MEI4: variants seen among roughly 807,000 people sequenced by gnomAD.
The protein encoded by MEI4 is meiotic double-stranded break formation protein 4, also known as meiosis-specific protein MEI4.
MEI4 carries 27 observed loss-of-function variants against 31.4 expected under a neutral mutation model. That is an observed-to-expected ratio of 0.86 (90% confidence interval 0.63 to 1.19). MEI4 has a LOEUF of 1.19. Among genes scored for constraint, MEI4 ranks in the 50% most tolerant of loss-of-function variants. MEI4 has a pLI of 0.00. For synonymous variants in MEI4, 122 were observed against 145.4 expected (o/e 0.84, Z 1.16); for missense variants, 329 against 398.9 (o/e 0.82, Z 1.49).
chr6:77,837,291 G>A (rs1770243467), intron 4 of MEI4, among the ~76,000 whole-genome samples: 1 of 152,156 alleles, frequency 6.6e-6, no homozygotes. Flanking sequence ...AAGTAGTCTT[G>A]TCAACGAATC....
intron 3 of MEI4, among the ~76,000 whole-genome samples, chr6:77,805,049 T>G (rs1176454902): frequency 6.6e-6 from 1 of 152,064 alleles, no homozygotes; most frequent in African/African-American, 2.4e-5. Context: ...TTTGGAACTT[T>G]TATTATTATA....
At chr6:77,909,113 C>A (rs1766369852) in intron 4 of MEI4, among the ~76,000 whole-genome samples, 1 of 152,088 alleles carries the variant, frequency 6.6e-6, no homozygotes, top group African/African-American at 2.4e-5. Context: ...CTAAAGCACT[C>A]CTCAGCAAAT....
intron 2 of MEI4, among the ~76,000 whole-genome samples, chr6:77,700,291 G>T (rs1451810314): frequency 6.6e-6 from 1 of 152,166 alleles, no homozygotes; most frequent in Non-Finnish European, 1.5e-5. Context: ...AGCCTGGGCA[G>T]TGGCAGGTGC....
In MEI4 at chr6:77,700,961, TAGAAAGGA is replaced by T. The variant is rs553067572; in HGVS notation, c.232+10061_232+10068del. Among the ~76,000 whole-genome samples, 1,057 of 152,090 alleles carry T rather than the reference TAGAAAGGA, an allele frequency of 6.9e-3. 13 individuals are homozygous for T. Among genetic ancestry groups the T allele is most frequent in the African/African-American group, 0.024 (997 of 41,488 alleles). ...GAAAGAATGAAAAACAAAAGGAAAGTAGAAAGGAAGGAAGGAAGAAAAAGAAGTGTACA... is the reference window on the plus strand; with the variant it reads ...GAAAGAATGAAAAACAAAAGGAAAGTAGGAAGGAAGAAAAAGAAGTGTACA... On this transcript the variant is annotated intron_variant, in intron 2 of 4. Coordinates refer to ENST00000684080, the MANE Select transcript of MEI4 (RefSeq NM_001322247.2).
intron 3 of MEI4, among the ~76,000 whole-genome samples, chr6:77,802,238 C>G (rs1383431081): frequency 6.6e-6 from 1 of 152,116 alleles, no homozygotes; most frequent in South Asian, 2.1e-4. Flanking sequence ...CCTTATTTGT[C>G]TCTTTTGATC....
intron 4 of MEI4, among the ~76,000 whole-genome samples, chr6:77,865,802 CT>C (rs1771010576): frequency 6.6e-6 from 1 of 152,156 alleles, no homozygotes; most frequent in African/African-American, 2.4e-5. Context: ...ACCAATACCC[CT>C]GATGAACATT....
intron 4 of MEI4, among the ~76,000 whole-genome samples, chr6:77,896,775 C>G (rs1048985572): frequency 1.1e-4 from 16 of 151,956 alleles, no homozygotes; most frequent in African/African-American, 3.1e-4. Context: ...TGATAGGGAA[C>G]GTAGGTAAGG....
intron 2 of MEI4, among the ~76,000 whole-genome samples, chr6:77,755,370 T>C (rs999443147): frequency 1.3e-5 from 2 of 152,082 alleles, no homozygotes; most frequent in Admixed American, 1.3e-4. Context: ...ATCCAGTGTG[T>C]AAGAGGGACT....
chr6:77,730,851 C>T (rs1041071475), intron 2 of MEI4, among the ~76,000 whole-genome samples: 1 of 147,040 alleles, frequency 6.8e-6, no homozygotes, highest in African/African-American at 2.6e-5. Flanking sequence ...TTGTTCAATT[C>T]CCGCCTATGA....
intron 1 of MEI4, among the ~76,000 whole-genome samples, chr6:77,685,621 A>G (rs1233627899): frequency 1.3e-5 from 2 of 151,838 alleles, no homozygotes; most frequent in East Asian, 1.9e-4. Context: ...ATCTTTGTCA[A>G]GACCCATGTT....
intron 4 of MEI4, among the ~76,000 whole-genome samples, chr6:77,883,032 C>T (rs982149102): frequency 5.3e-5 from 8 of 151,844 alleles, no homozygotes; most frequent in South Asian, 2.1e-4. Context: ...TTGCTTATAA[C>T]GCATATGTCC....
chr6:77,758,937 C>T lies in MEI4; in HGVS notation c.233-2193C>T, dbSNP rs9448205. On this transcript the variant is annotated intron_variant, in intron 2 of 4. Coordinates refer to ENST00000684080, the MANE Select transcript of MEI4 (RefSeq NM_001322247.2). ...CTTACTTCCAGTCTTCACTTACTTT[C>T]TTCACTTCCAGTCTTCACTTACTTT... Among the ~76,000 whole-genome samples the T allele has an allele frequency of 8.5e-5, 13 of 152,260 alleles. No homozygotes were observed. The East Asian group carries it at 2.5e-3, about 29-fold the overall frequency.
At chr6:77,735,146 C>T (rs2127670083) in intron 2 of MEI4, among the ~76,000 whole-genome samples, 2 of 151,704 alleles carry the variant, frequency 1.3e-5, no homozygotes, top group Middle Eastern at 6.8e-3. Context: ...ATCTTTGTGA[C>T]ATTCTCTGTA....
intron 3 of MEI4, 137 bp downstream of exon 3, chr6:77,761,802 A>T (rs1369985367): frequency 6.1e-6 from 3 of 491,132 alleles, no homozygotes; most frequent in Non-Finnish European, 6.4e-6. Flanking sequence ...AGCTGTCTGC[A>T]GCTCTTATCT....
intron 1 of MEI4, among the ~76,000 whole-genome samples, chr6:77,656,306 C>A (rs572578655): frequency 5.3e-5 from 8 of 152,026 alleles, no homozygotes; most frequent in East Asian, 3.9e-4. Context: ...TTTCTTATGA[C>A]TTCCTATTTT....
intron 2 of MEI4, among the ~76,000 whole-genome samples, chr6:77,747,263 G>A (rs1373982929): frequency 1.3e-5 from 2 of 152,106 alleles, no homozygotes; most frequent in Admixed American, 6.5e-5. Context: ...AGTGAGCCGA[G>A]ATTGTGCCAC....
intron 3 of MEI4, among the ~76,000 whole-genome samples, chr6:77,817,823 A>G (rs1769722837): frequency 6.6e-6 from 1 of 152,084 alleles, no homozygotes; most frequent in African/African-American, 2.4e-5. Context: ...CCCAGGTGTT[A>G]GGCAACATGA....
At chr6:77,792,335 T>A (rs566525089) in intron 3 of MEI4, among the ~76,000 whole-genome samples, 203 of 152,312 alleles carry the variant, frequency 1.3e-3, no homozygotes, top group Admixed American at 3.1e-3. Context: ...GTCTGGATCG[T>A]ATGACAGTTG....
chr6:77,900,469 T>C (rs903361867), intron 4 of MEI4, among the ~76,000 whole-genome samples: 4 of 152,092 alleles, frequency 2.6e-5, no homozygotes, highest in South Asian at 2.1e-4. Context: ...ATAGAAATTA[T>C]AGTGACAAGA....
Sources: gnomAD v4.1 joint callset for allele counts (sites outside exome capture counted in the v4.1 genomes callset) on GRCh38, gnomAD v4.1.1 for gene constraint, MANE v1.5 for transcripts, NCBI Gene and HGNC (gene_info 2026-07-23, HGNC 2026-07-21) for gene names.